SF3B1: variants seen among roughly 807,000 people sequenced by gnomAD.
SF3B1 encodes the protein splicing factor 3b subunit 1, also known as pre-mRNA processing 10.
Under a neutral mutation model 153.8 loss-of-function variants are expected in SF3B1, and 12 were observed. The observed-to-expected ratio is 0.08, with a 90% CI of 0.05 to 0.13. The LOEUF is 0.13. Ranked by LOEUF, SF3B1 falls within the 10% of genes least tolerant of loss-of-function variation. The probability of loss-of-function intolerance (pLI) is 1.00; values close to 1 mark genes in which losing one functional copy is unlikely to be tolerated. For missense variants in SF3B1, 513 were observed against 1,606.1 expected (o/e 0.32, Z 11.63); for synonymous variants, 498 against 525.2 (o/e 0.95, Z 0.71).
At chr2:197,418,147 G>A (rs975481923) in intron 5 of SF3B1, among the ~76,000 whole-genome samples, 22 of 145,216 alleles carry the variant, frequency 1.5e-4, no homozygotes, top group African/African-American at 5.6e-4. Context: ...GAAGTGGGAG[G>A]ATAACTTGAA....
rs200537891 is a variant in SF3B1, at chr2:197,402,869, T to C, written c.1807-43A>G. ...AAAGGACAGTCATGAGTTGGTAATA[T>C]TAATCTTCAACCATTTCTTTCCATA... On this transcript the variant is annotated intron_variant, in intron 13 of 24. Coordinates refer to ENST00000335508, the MANE Select transcript of SF3B1 (RefSeq NM_012433.4). The surrounding 1 kb of genome is among the most constrained non-coding windows in gnomAD (Gnocchi z 4.6). 2.5e-6 allele frequency: 4 copies of C among 1,611,618 alleles called. No homozygotes were observed. Among genetic ancestry groups the C allele is most frequent in the East Asian group, 4.5e-5 (2 of 44,870 alleles).
chr2:197,424,747 C>T (rs573873314), intron 1 of SF3B1, among the ~76,000 whole-genome samples: 2 of 152,294 alleles, frequency 1.3e-5, no homozygotes, highest in Admixed American at 6.5e-5. Context: ...CTAAATAATA[C>T]ATAGATGTAT....
At chr2:197,417,900 C>T (rs2085176675) in intron 5 of SF3B1, among the ~76,000 whole-genome samples, 1 of 152,002 alleles carries the variant, frequency 6.6e-6, no homozygotes, top group South Asian at 2.1e-4. Context: ...CCCTAACATA[C>T]TGAGTTCAGA....
At chr2:197,398,174 A>G in intron 21 of SF3B1, 58 bp from the exon 22 acceptor site, 1 of 1,413,118 alleles carries the variant, frequency 7.1e-7, no homozygotes, top group Non-Finnish European at 9.9e-7. Context: ...TTTAAGGATA[A>G]ATTTGCAAAT....
At position 197,421,019 on chromosome 2, in the gene SF3B1, GA is replaced by G. The variant is rs1559275804; in HGVS notation, c.300+9del. On this transcript the variant is annotated intron_variant, in intron 3 of 24. Transcript: ENST00000335508. Reference sequence around the variant, plus strand: ...GCTGAATAAACTATGCTTTTAAAATGAAAGATCACCTGTTCTGTTGACTGTG... The same window carrying G: ...GCTGAATAAACTATGCTTTTAAAATGAAGATCACCTGTTCTGTTGACTGTG... 5.2e-6 allele frequency: 8 copies of G among 1,533,838 alleles called. No homozygotes were observed. Among genetic ancestry groups the G allele is most frequent in the Non-Finnish European group, 7.2e-6 (8 of 1,118,074 alleles).
chr2:197,416,920 A>C lies in SF3B1; in HGVS notation c.496-9T>G, dbSNP rs762717227. ...TGTTGCCTAATTTCTCGCTGAAAAA[A>C]ACAGTGAGTATTTACCTTTAAAATG... On this transcript the variant is annotated splice_polypyrimidine_tract_variant and intron_variant, in intron 5 of 24. Coordinates refer to ENST00000335508, the MANE Select transcript of SF3B1 (RefSeq NM_012433.4). The C allele has an allele frequency of 9.3e-6, 15 of 1,610,240 alleles. No homozygotes were observed. Among genetic ancestry groups the C allele is most frequent in the Admixed American group, 6.7e-5 (4 of 59,332 alleles).
chr2:197,435,067 G>A (rs1054907331), upstream of SF3B1: 4 of 1,612,526 alleles, frequency 2.5e-6, no homozygotes, highest in African/African-American at 5.3e-5. Flanking sequence ...CGCCGCCACG[G>A]AGAAAAATAG....
chr2:197,401,610 T>A lies in SF3B1; in HGVS notation c.2371-85A>T. 2.0e-6 allele frequency: 3 copies of A among 1,502,794 alleles called. No homozygotes were observed. Among genetic ancestry groups the A allele is most frequent in the Admixed American group, 2.1e-5 (1 of 47,426 alleles). 93.1% of individuals were successfully genotyped at this position (1,502,794 alleles called of 1,614,324 possible). On this transcript the variant is annotated intron_variant, in intron 16 of 24. Coordinates refer to ENST00000335508, the MANE Select transcript of SF3B1 (RefSeq NM_012433.4). The surrounding 1 kb of genome is among the most constrained non-coding windows in gnomAD (Gnocchi z 4.2). ...TTGCTGATTACGTGATTTTAAAAAA[T>A]AAAATTTAAAAACAAATCAAACAGT...
Position 197,420,416 on chromosome 2 carries a change from G to A in SF3B1, c.415+12C>T, listed in dbSNP as rs1054569617. The A allele has an allele frequency of 5.7e-6, 9 of 1,579,310 alleles. No homozygotes were observed. The African/African-American group carries it at 1.1e-4, about 19-fold the overall frequency. ...ATTTCTGAATACTTATAGAAAAGTGGGAAAGAATTACCATCTGCAAAAGGA... is the reference window on the plus strand; with the variant it reads ...ATTTCTGAATACTTATAGAAAAGTGAGAAAGAATTACCATCTGCAAAAGGA... On this transcript the variant is annotated intron_variant, in intron 4 of 24. Transcript: ENST00000335508.
rs2085498151 is a variant in SF3B1 at position 197,434,865 on chromosome 2, G to A, written c.28+107C>T. On this transcript the variant is annotated intron_variant, in intron 1 of 24. Transcript: ENST00000335508. The stretch of plus-strand genomic sequence containing the variant: ...GACGACCCTTGGCCCCGAAACGCGG[G>A]CTCAGCTCCTACGAAAGAAACCATA... 6 of 1,249,156 alleles carry A rather than the reference G, an allele frequency of 4.8e-6. No individual in the cohort carries two copies. In the Admixed American group the frequency reaches 5.7e-5, roughly 12 times the overall value. The allele number at this position is 1,249,156 out of a possible 1,614,324, so 77.4% of individuals were successfully genotyped here.
At chr2:197,425,454 G>A (rs545652737) in intron 1 of SF3B1, among the ~76,000 whole-genome samples, 1 of 150,922 alleles carries the variant, frequency 6.6e-6, no homozygotes, top group Non-Finnish European at 1.5e-5. Context: ...CGACAAGAGC[G>A]AAACTCCGTC....
At chr2:197,392,780 G>A (rs1362451983) in intron 24 of SF3B1, among the ~76,000 whole-genome samples, 192 bp downstream of exon 24, 2 of 151,888 alleles carry the variant, frequency 1.3e-5, no homozygotes, top group African/African-American at 4.8e-5. Flanking sequence ...GAAAGGGGAG[G>A]GAGAGCATTA....
In SF3B1 at chr2:197,402,532, AG is replaced by A. The variant is rs1486491019; in HGVS notation, c.2077+23del. On this transcript the variant is annotated intron_variant, in intron 14 of 24. Coordinates refer to ENST00000335508, the MANE Select transcript of SF3B1 (RefSeq NM_012433.4). This position sits in a 1 kb window ranked among gnomAD's most constrained non-coding sequence, Gnocchi z 4.6. ...CTGTCTCCTAAAGAAAAAAAAAAAAAGACAAAGTTACATTACAACTTACCAT... is the reference window on the plus strand; with the variant it reads ...CTGTCTCCTAAAGAAAAAAAAAAAAAACAAAGTTACATTACAACTTACCAT... 4.4e-6 allele frequency: 7 copies of A among 1,590,318 alleles called. No homozygotes were observed. Among genetic ancestry groups the A allele is most frequent in the Non-Finnish European group, 2.6e-6 (3 of 1,167,918 alleles).
At chr2:197,405,583 G>C in intron 9 of SF3B1, 111 bp from the exon 10 acceptor site, 1 of 719,104 alleles carries the variant, frequency 1.4e-6, no homozygotes, top group Non-Finnish European at 2.3e-6. Context: ...GTTTTTATTT[G>C]CTTGGAGACA....
At chr2:197,398,321 T>G in intron 21 of SF3B1, 140 bp downstream of exon 21, 1 of 1,019,440 alleles carries the variant, frequency 9.8e-7, no homozygotes. Context: ...AATTGAAATT[T>G]GACTGAAAAT....
intron 22 of SF3B1, 93 bp from the exon 23 acceptor site, chr2:197,396,421 T>A: frequency 9.7e-7 from 1 of 1,031,324 alleles, no homozygotes; most frequent in Non-Finnish European, 1.4e-6. Context: ...TTTTAAGTAT[T>A]AATAATTACA....
At position 197,405,172 on chromosome 2, in the gene SF3B1, A is replaced by G. The variant is rs1205545246; in HGVS notation, c.1443T>C (p.Asp481=). The change falls in exon 11 of 25, where the codon GAT becomes GAC. Residue 481 remains aspartate (D), a synonymous_variant. Coordinates refer to ENST00000335508, the MANE Select transcript of SF3B1 (RefSeq NM_012433.4). ...CTGGACTAAGTGTTGATTCATCAACATCAACCTATAGTAAAAAGAAAAAAA... is the reference window on the plus strand; with the variant it reads ...CTGGACTAAGTGTTGATTCATCAACGTCAACCTATAGTAAAAAGAAAAAAA... The part of the protein sequence containing the change: ...DIQYFDKLLV[D]VDESTLSPEE... The G allele has an allele frequency of 1.2e-6, 2 of 1,609,120 alleles. No homozygotes were observed. Among genetic ancestry groups the G allele is most frequent in the Non-Finnish European group, 1.7e-6 (2 of 1,177,212 alleles).
chr2:197,424,211 G>A (rs1036113784), intron 1 of SF3B1, among the ~76,000 whole-genome samples: 2 of 152,158 alleles, frequency 1.3e-5, no homozygotes, highest in African/African-American at 4.8e-5. Flanking sequence ...AGGATGAGGT[G>A]GGCAGATCTG....
intron 8 of SF3B1, 30 bp from the exon 9 acceptor site, chr2:197,408,149 C>A: frequency 6.4e-7 from 1 of 1,568,490 alleles, no homozygotes; most frequent in Non-Finnish European, 8.8e-7. Flanking sequence ...TTTATATAAT[C>A]TATAGTACAA....
Sources: allele counts gnomAD v4.1 joint callset (sites outside exome capture counted in the v4.1 genomes callset), GRCh38; gene constraint gnomAD v4.1.1; non-coding constraint Gnocchi (gnomAD v3.1); transcripts MANE v1.5; gene names NCBI Gene and HGNC (gene_info 2026-07-23, HGNC 2026-07-21).